The following DACH2 variants were observed in gnomAD, a reference collection of about 807,000 sequenced individuals.
DACH2 encodes dachshund family transcription factor 2.
DACH2 carries 17 observed loss-of-function variants against 35.8 expected under a neutral mutation model. The ratio of observed to expected loss-of-function variants is 0.48; its 90% CI spans 0.33 to 0.71. The LOEUF (loss-of-function observed/expected upper bound fraction) is 0.71. DACH2 is among the 30% of genes least tolerant of loss of function. DACH2 has a pLI of 0.02. For synonymous variants in DACH2, 195 were observed against 177.3 expected, an observed-to-expected ratio of 1.10 and a Z score of -0.79; for missense variants, 469 against 472.7, an observed-to-expected ratio of 0.99 and a Z score of 0.07.
chrX:86,441,213 A>G (rs2037155712), intron 2 of DACH2, among the ~76,000 whole-genome samples: 1 of 111,118 alleles, frequency 9.0e-6, no homozygotes, highest in Admixed American at 9.7e-5. Context: ...GATCTTATTC[A>G]TTCTATCTAA....
At chrX:86,332,895 T>C (rs2035238022) in intron 1 of DACH2, among the ~76,000 whole-genome samples, 1 of 111,819 alleles carries the variant, frequency 8.9e-6, no homozygotes, top group African/African-American at 3.2e-5. Context: ...ATAATAAAAG[T>C]ATGTGTGTAT....
chrX:86,813,791 A>G (rs2042419772), intron 9 of DACH2, among the ~76,000 whole-genome samples: 1 of 110,899 alleles, frequency 9.0e-6, no homozygotes, highest in Admixed American at 9.6e-5. Context: ...TCAGGCTTTG[A>G]AAACTAGTAG....
chrX:86,574,369 T>C (rs942356332), intron 3 of DACH2, among the ~76,000 whole-genome samples: 1 of 111,329 alleles, frequency 9.0e-6, no homozygotes, highest in African/African-American at 3.3e-5. Context: ...ATGCTTACTG[T>C]GGTGACATTT....
intron 1 of DACH2, among the ~76,000 whole-genome samples, chrX:86,330,905 T>C (rs559006847): frequency 8.9e-6 from 1 of 112,024 alleles, no homozygotes; most frequent in Admixed American, 9.5e-5. Context: ...GAGTTCCTAA[T>C]TTGAACAACT....
At chrX:86,525,387 C>T (rs1476815467) in intron 3 of DACH2, among the ~76,000 whole-genome samples, 1 of 111,260 alleles carries the variant, frequency 9.0e-6, no homozygotes, top group Non-Finnish European at 1.9e-5. Context: ...TTCTTTTTTG[C>T]TCCTTCTTAT....
intron 1 of DACH2, among the ~76,000 whole-genome samples, chrX:86,193,717 C>T (rs2031895147): frequency 9.1e-6 from 1 of 110,371 alleles, no homozygotes; most frequent in African/African-American, 3.3e-5. Flanking sequence ...TTCACCAAAA[C>T]AAAAAGGTGA....
At position 86,635,114 on chromosome X, in the gene DACH2, C is replaced by T. The variant is rs750663185; in HGVS notation, c.641-15922C>T. Among the ~76,000 whole-genome samples, 12 of 111,090 alleles carry T rather than the reference C, an allele frequency of 1.1e-4. No individual in the cohort carries two copies. The South Asian group carries it at 1.5e-3, about 14-fold the overall frequency. On this transcript the variant is annotated intron_variant, in intron 3 of 11. Coordinates refer to ENST00000373125, the MANE Select transcript of DACH2 (RefSeq NM_053281.3). Reference sequence around the variant, plus strand: ...TTTGAGGAACATCAGATGCAAACATCCTCAACAAAATACTGGCAAAACAAA... The same window carrying T: ...TTTGAGGAACATCAGATGCAAACATTCTCAACAAAATACTGGCAAAACAAA...
chrX:86,258,524 T>A (rs1183931149), intron 1 of DACH2, among the ~76,000 whole-genome samples: 2 of 111,687 alleles, frequency 1.8e-5, no homozygotes, highest in Admixed American at 1.9e-4. Context: ...ACAATCAAGA[T>A]TATTATCTAT....
At chrX:86,405,032 G>A (rs1428862815) in intron 2 of DACH2, among the ~76,000 whole-genome samples, 1 of 111,757 alleles carries the variant, frequency 8.9e-6, no homozygotes, top group Non-Finnish European at 1.9e-5. Flanking sequence ...CAGTTGTGAT[G>A]CAGGGTGCAA....
chrX:86,342,136 G>A (rs185479519), intron 1 of DACH2, among the ~76,000 whole-genome samples: 67 of 111,743 alleles, frequency 6.0e-4, no homozygotes, highest in African/African-American at 2.0e-3. Flanking sequence ...CAAACAGCAT[G>A]ACATACTACA....
chrX:86,202,135 A>T (rs1273830187), intron 1 of DACH2, among the ~76,000 whole-genome samples: 1 of 111,708 alleles, frequency 9.0e-6, no homozygotes, highest in Non-Finnish European at 1.9e-5. Context: ...TTTATTAAGT[A>T]CTGGTAACAT....
chrX:86,643,571 A>T (rs2148400469), intron 3 of DACH2, among the ~76,000 whole-genome samples: 1 of 111,642 alleles, frequency 9.0e-6, no homozygotes. Flanking sequence ...AAATTATTTC[A>T]AACAACTGAA....
At chrX:86,396,420 T>C (rs1220587636) in intron 2 of DACH2, among the ~76,000 whole-genome samples, 1 of 96,613 alleles carries the variant, frequency 1.0e-5, no homozygotes, top group Non-Finnish European at 2.1e-5. Context: ...ATTTTGGCTT[T>C]TGTTGCCATT....
chrX:86,495,651 G>T (rs2038159204), intron 2 of DACH2, among the ~76,000 whole-genome samples: 1 of 109,504 alleles, frequency 9.1e-6, no homozygotes, highest in Non-Finnish European at 1.9e-5. Flanking sequence ...CTCTAAAAAG[G>T]AAAATATGAA....
In DACH2 at chrX:86,392,940, G is replaced by A. The variant is rs763019691; in HGVS notation, c.527+16078G>A. On this transcript the variant is annotated intron_variant, in intron 2 of 11. Coordinates refer to ENST00000373125, the MANE Select transcript of DACH2 (RefSeq NM_053281.3). Reference sequence around the variant, plus strand: ...ATGTTTGGAGGCCTTTTTGGCTGTCGCAATGGGTGGTGGTGGTGCTATGGC... The same window carrying A: ...ATGTTTGGAGGCCTTTTTGGCTGTCACAATGGGTGGTGGTGGTGCTATGGC... Among the ~76,000 whole-genome samples, 11 of 110,926 alleles carry A rather than the reference G, an allele frequency of 9.9e-5. No individual in the cohort carries two copies. The South Asian group carries it at 3.5e-3, about 35-fold the overall frequency.
intron 7 of DACH2, among the ~76,000 whole-genome samples, chrX:86,783,739 A>C (rs1186342258): frequency 9.0e-6 from 1 of 111,700 alleles, no homozygotes; most frequent in Non-Finnish European, 1.9e-5. Context: ...AGTCACAGAA[A>C]GTCAAACATA....
chrX:86,730,434 T>C (rs1248508821), intron 6 of DACH2, among the ~76,000 whole-genome samples: 2 of 112,038 alleles, frequency 1.8e-5, no homozygotes, highest in African/African-American at 6.5e-5. Flanking sequence ...TGAAAACTGG[T>C]TAGTCTAATC....
intron 4 of DACH2, among the ~76,000 whole-genome samples, chrX:86,685,692 A>G (rs139358924): frequency 0.017 from 1,841 of 111,245 alleles, 46 homozygotes; most frequent in African/African-American, 0.058. Context: ...GCTTTTATTC[A>G]TGGTGGAAGG....
intron 1 of DACH2, among the ~76,000 whole-genome samples, chrX:86,243,800 A>G (rs752432764): frequency 8.9e-6 from 1 of 112,106 alleles, no homozygotes; most frequent in African/African-American, 3.2e-5. Flanking sequence ...TTAATTTATT[A>G]TAGACTATTC....
Sources: gnomAD v4.1 joint callset for allele counts (sites outside exome capture counted in the v4.1 genomes callset) on GRCh38, gnomAD v4.1.1 for gene constraint, MANE v1.5 for transcripts, NCBI Gene and HGNC (gene_info 2026-07-23, HGNC 2026-07-21) for gene names.